Variants in KATNIP observed in about 807,000 individuals in gnomAD.
KATNIP encodes katanin interacting protein.
Under a neutral mutation model 174.0 loss-of-function variants are expected in KATNIP, and 126 were observed. The ratio of observed to expected loss-of-function variants is 0.72; its 90% CI spans 0.63 to 0.84. The LOEUF is 0.84. KATNIP is among the 40% of genes least tolerant of loss of function. The pLI is 0.00. For synonymous variants in KATNIP, 810 were observed against 835.7 expected (o/e 0.97, Z 0.53); for missense variants, 1,958 against 2,109.7 (o/e 0.93, Z 1.41).
chr16:27,553,154 A>G (rs1315882967), intron 1 of KATNIP, among the ~76,000 whole-genome samples: 1 of 152,224 alleles, frequency 6.6e-6, no homozygotes, highest in African/African-American at 2.4e-5. Flanking sequence ...GGTCGTTTAG[A>G]AAATGTTGGT....
intron 3 of KATNIP, among the ~76,000 whole-genome samples, chr16:27,624,488 C>A (rs1028331912): frequency 6.6e-6 from 1 of 152,140 alleles, no homozygotes; most frequent in Non-Finnish European, 1.5e-5. Context: ...GTCTCCTGCC[C>A]CAACTTGAGA....
intron 19 of KATNIP, among the ~76,000 whole-genome samples, chr16:27,765,926 G>C (rs2082105747): frequency 1.3e-5 from 2 of 152,042 alleles, no homozygotes; most frequent in South Asian, 4.2e-4. Flanking sequence ...TGAGCATCTT[G>C]GTTCGGATAG....
intron 5 of KATNIP, among the ~76,000 whole-genome samples, chr16:27,635,979 C>A (rs184222897): frequency 1.3e-5 from 2 of 152,172 alleles, no homozygotes; most frequent in African/African-American, 4.8e-5. Context: ...CATAGTGAGT[C>A]CCATCTCTAC....
At chr16:27,748,677 G>A (rs1311952127) in intron 15 of KATNIP, among the ~76,000 whole-genome samples, 3 of 151,914 alleles carry the variant, frequency 2.0e-5, no homozygotes, top group South Asian at 2.1e-4. Flanking sequence ...CCATGTACTC[G>A]GGGGGCTGAA....
At chr16:27,775,222 G>A in intron 24 of KATNIP, 138 bp downstream of exon 24, 1 of 1,100,082 alleles carries the variant, frequency 9.1e-7, no homozygotes, top group Non-Finnish European at 1.3e-6. Flanking sequence ...TGTCAGAAAG[G>A]TTTAGGTCTT....
At chr16:27,751,652 C>A in intron 16 of KATNIP, 67 bp from the exon 17 acceptor site, 1 of 1,489,160 alleles carries the variant, frequency 6.7e-7, no homozygotes, top group Admixed American at 1.7e-5. Flanking sequence ...TGGGTTTAGG[C>A]TCTTGATCTA....
intron 2 of KATNIP, among the ~76,000 whole-genome samples, chr16:27,593,311 T>C (rs1382590906): frequency 6.9e-6 from 1 of 144,794 alleles, no homozygotes; most frequent in Non-Finnish European, 1.5e-5. Flanking sequence ...CAATCTCAGC[T>C]CACTGCAACC....
intron 19 of KATNIP, among the ~76,000 whole-genome samples, chr16:27,761,828 G>A (rs1469723975): frequency 2.0e-5 from 3 of 152,160 alleles, no homozygotes; most frequent in South Asian, 4.1e-4. Context: ...ATTTGAAGGC[G>A]GGTTCCCATG....
intron 6 of KATNIP, among the ~76,000 whole-genome samples, chr16:27,676,380 C>T (rs770382244): frequency 4.6e-5 from 7 of 152,116 alleles, no homozygotes; most frequent in Non-Finnish European, 8.8e-5. Flanking sequence ...TTTCTATCAT[C>T]GGTCTGTATA....
intron 14 of KATNIP, among the ~76,000 whole-genome samples, chr16:27,738,696 T>A (rs1273675127): frequency 6.6e-6 from 1 of 152,212 alleles, no homozygotes; most frequent in East Asian, 1.9e-4. Context: ...GAAGAAATCA[T>A]CCGGAGAACT....
intron 21 of KATNIP, among the ~76,000 whole-genome samples, chr16:27,771,181 G>C (rs1297448285): frequency 6.6e-6 from 1 of 152,158 alleles, no homozygotes; most frequent in Non-Finnish European, 1.5e-5. Context: ...GGTTAAGAAA[G>C]GGGGCAGTGG....
At chr16:27,664,893 C>T (rs1294498693) in intron 6 of KATNIP, among the ~76,000 whole-genome samples, 1 of 152,074 alleles carries the variant, frequency 6.6e-6, no homozygotes, top group Non-Finnish European at 1.5e-5. Flanking sequence ...TAGGTGAGTT[C>T]AGCATCAAGA....
rs957053806 is a variant in KATNIP at position 27,780,258 on chromosome 16, G to A, written c.*1629G>A. On this transcript the variant is annotated 3_prime_UTR_variant, in exon 28 of 28. Coordinates refer to ENST00000261588, the MANE Select transcript of KATNIP (RefSeq NM_015202.5). ...ACCGCAGCTGATGTTTATAATAATCGTATGTACTGTGCAATTTAGGAGGGG... is the reference window on the plus strand; with the variant it reads ...ACCGCAGCTGATGTTTATAATAATCATATGTACTGTGCAATTTAGGAGGGG... 13 of 152,030 alleles carry A rather than the reference G, an allele frequency of 8.6e-5. No individual in the cohort carries two copies. Among genetic ancestry groups the A allele is most frequent in the African/African-American group, 2.4e-4 (10 of 41,282 alleles). 9.4% of individuals were successfully genotyped at this position (152,030 alleles called of 1,614,324 possible). A position where few individuals can be genotyped will look rare whatever the true frequency, so the allele number is the denominator to read the frequency against.
intron 2 of KATNIP, among the ~76,000 whole-genome samples, chr16:27,602,208 G>C (rs909723014): frequency 6.6e-6 from 1 of 152,152 alleles, no homozygotes; most frequent in Non-Finnish European, 1.5e-5. Context: ...CTACCTGCAG[G>C]CCCTGTGGAA....
At position 27,740,127 on chromosome 16, in the gene KATNIP, G is replaced by T; in HGVS notation, c.1830G>T (p.Glu610Asp). ...GCAAGTTAGACAAAGGAGATAGGGAGGCCCCAGCTGACCACAGCATCCTGG... is the reference window on the plus strand; with the variant it reads ...GCAAGTTAGACAAAGGAGATAGGGATGCCCCAGCTGACCACAGCATCCTGG... ...FNGKLDKGDR[E>D]APADHSILVD... The change falls in exon 15 of 28, where the codon GAG (glutamate) becomes GAT (aspartate). Residue 610 changes from glutamate to aspartate, a missense_variant. This residue lies in a region of KATNIP where 1,557 missense variants were observed against 1,617.8 expected (regional missense o/e 0.96). Transcript: ENST00000261588. 6.2e-7 allele frequency: 1 copy of T among 1,614,190 alleles called. No individual in the cohort carries two copies. Among genetic ancestry groups the T allele is most frequent in the African/African-American group, 1.3e-5 (1 of 75,044 alleles).
At chr16:27,595,220 A>T (rs1224343059) in intron 2 of KATNIP, among the ~76,000 whole-genome samples, 1 of 152,170 alleles carries the variant, frequency 6.6e-6, no homozygotes, top group Non-Finnish European at 1.5e-5. Flanking sequence ...CCCTGTCTCT[A>T]CAAAAGTACA....
intron 12 of KATNIP, 91 bp from the exon 13 acceptor site, chr16:27,708,610 TTAAC>T: frequency 1.1e-6 from 1 of 888,084 alleles, no homozygotes; most frequent in Non-Finnish European, 1.8e-6. Flanking sequence ...ACCCTGAAGG[TTAAC>T]TAACTTTTTG....
At chr16:27,746,887 A>C (rs2081315411) in intron 15 of KATNIP, among the ~76,000 whole-genome samples, 1 of 152,220 alleles carries the variant, frequency 6.6e-6, no homozygotes, top group African/African-American at 2.4e-5. Context: ...CTTGATTCTC[A>C]GTGCAGGAGA....
At chr16:27,698,863 C>G (rs908652142) in intron 9 of KATNIP, among the ~76,000 whole-genome samples, 14 of 152,312 alleles carry the variant, frequency 9.2e-5, no homozygotes, top group Admixed American at 5.2e-4. Flanking sequence ...GTCTCATTCC[C>G]GAGCGTGGGC....
Sources: gnomAD v4.1 joint callset for allele counts (sites outside exome capture counted in the v4.1 genomes callset) on GRCh38, gnomAD v4.1.1 for gene constraint, gnomAD v4.1.1 regional missense constraint, MANE v1.5 for transcripts, NCBI Gene and HGNC (gene_info 2026-07-23, HGNC 2026-07-21) for gene names.